The following NPHP4 variants were observed in gnomAD, a reference collection of about 807,000 sequenced individuals.
NPHP4 encodes nephrocystin 4.
In NPHP4, 151 loss-of-function variants were observed where a neutral mutation model predicts 155.8. The observed-to-expected ratio is 0.97, with a 90% CI of 0.85 to 1.11. The LOEUF (loss-of-function observed/expected upper bound fraction) is 1.11. NPHP4 is among the 50% of genes least tolerant of loss of function. The pLI, the probability that NPHP4 is intolerant of heterozygous loss-of-function variation, is 0.00. For missense variants in NPHP4, 1,956 were observed against 1,925.7 expected (o/e 1.02, Z -0.29); for synonymous variants, 845 against 816.8 (o/e 1.03, Z -0.59).
chr1:5,972,627 G>A (rs540607810), intron 3 of NPHP4, among the ~76,000 whole-genome samples: 63 of 152,192 alleles, frequency 4.1e-4, no homozygotes, highest in African/African-American at 1.1e-3. Context: ...TTATGGAAAA[G>A]CACATGACTA....
At chr1:5,873,201 G>T (rs1642190873) in intron 23 of NPHP4, 51 bp downstream of exon 23, 1 of 1,477,398 alleles carries the variant, frequency 6.8e-7, no homozygotes, top group Non-Finnish European at 9.5e-7. Flanking sequence ...GTCAGGCCCT[G>T]GGAATACCCA....
At chr1:5,909,478 G>A (rs906445461) in intron 11 of NPHP4, among the ~76,000 whole-genome samples, 1 of 152,212 alleles carries the variant, frequency 6.6e-6, no homozygotes, top group Admixed American at 6.5e-5. Flanking sequence ...TGGGCCAGCA[G>A]GTCTCACAGC....
chr1:5,880,550 C>T (rs568057702), intron 18 of NPHP4: 3 of 348,084 alleles, frequency 8.6e-6, no homozygotes, highest in Non-Finnish European at 1.6e-5. Context: ...ATCTCTGGGT[C>T]GCAAGGCGGG....
rs374201792 is a variant in NPHP4 at position 5,986,167 on chromosome 1, C to T, written c.123G>A (p.Pro41=). The stretch of plus-strand genomic sequence containing the variant: ...CACATTTTGTTACCTGCCTAATTAC[C>T]GGTCCGTCCAGCCACTTGAGGACAC... ...FQCVLKWLDG[P]VIRQGVLEVL... The change falls in exon 2 of 30, where the codon CCG becomes CCA. Residue 41 remains proline, a synonymous_variant. Coordinates refer to ENST00000378156, the MANE Select transcript of NPHP4 (RefSeq NM_015102.5). 9.3e-6 allele frequency: 15 copies of T among 1,613,790 alleles called. No homozygotes were observed. The highest frequency in any genetic ancestry group is 8.8e-5 in the South Asian group (8 of 91,040).
At chr1:5,967,488 T>G in intron 4 of NPHP4, 125 bp from the exon 5 acceptor site, 1 of 739,282 alleles carries the variant, frequency 1.4e-6, no homozygotes, top group Non-Finnish European at 2.3e-6. Context: ...TCCCATCCTC[T>G]GCGGAAGGCA....
intron 18 of NPHP4, 117 bp downstream of exon 18, chr1:5,887,169 C>T: frequency 1.0e-6 from 1 of 983,642 alleles, no homozygotes; most frequent in Non-Finnish European, 1.5e-6. Context: ...GAGAATTCTC[C>T]CGGTTTCCTC....
chr1:5,968,985 C>T (rs1652044992), intron 4 of NPHP4, 102 bp downstream of exon 4: 3 of 763,268 alleles, frequency 3.9e-6, no homozygotes. Context: ...CGACATTACA[C>T]CACTGCACTC....
chr1:5,887,147 G>A, intron 18 of NPHP4, 139 bp downstream of exon 18: 1 of 805,796 alleles, frequency 1.2e-6, no homozygotes, highest in Non-Finnish European at 2.0e-6. Context: ...CAGGCTCCAT[G>A]GCCAAGCTGG....
chr1:5,873,351 A>C lies in NPHP4; in HGVS notation c.3232-16T>G. ...CAGGAGAGGCCTGCAGGAACCGAAC[A>C]GCACAAGCAGGTCAGGAAGCAACAC... On this transcript the variant is annotated splice_polypyrimidine_tract_variant and intron_variant, in intron 22 of 29. Transcript: ENST00000378156. 1 of 1,609,330 alleles carries C rather than the reference A, an allele frequency of 6.2e-7. No individual in the cohort carries two copies. Among genetic ancestry groups the C allele is most frequent in the Non-Finnish European group, 8.5e-7 (1 of 1,175,688 alleles).
intron 5 of NPHP4, among the ~76,000 whole-genome samples, chr1:5,966,714 G>C (rs1045619083): frequency 6.6e-6 from 1 of 152,040 alleles, no homozygotes; most frequent in Non-Finnish European, 1.5e-5. Flanking sequence ...CACAGCCTCT[G>C]TGCTCTGAGC....
At chr1:5,984,534 C>CA (rs1479300378) in intron 2 of NPHP4, among the ~76,000 whole-genome samples, 8 of 147,512 alleles carry the variant, frequency 5.4e-5, no homozygotes, top group Non-Finnish European at 9.0e-5. Context: ...GACTTCATCT[C>CA]AAAAAAAAAG....
chr1:5,876,038 T>C (rs1570151047), intron 20 of NPHP4: 1 of 152,282 alleles, frequency 6.6e-6, no homozygotes, highest in Non-Finnish European at 1.5e-5. Context: ...CAGAATTTCA[T>C]CCTCAGAGCT....
Position 5,967,357 on chromosome 1 carries a change from C to A in NPHP4, c.459G>T (p.Arg153=). ...GGGCTCTGGGGGTGCCATGGTACAG[C>A]CGCAACCTGGAAGACAGGACCCAGA... The part of the protein sequence containing the change: ...PISASQDKRL[R]LYHGTPRALL... Residue 153 remains arginine, a synonymous_variant, in exon 5 of 30, where the codon CGG becomes CGT. Coordinates refer to ENST00000378156, the MANE Select transcript of NPHP4 (RefSeq NM_015102.5). The A allele has an allele frequency of 6.2e-7, 1 of 1,605,902 alleles. No individual in the cohort carries two copies. The highest frequency in any genetic ancestry group is 1.1e-5 in the South Asian group (1 of 88,950).
intron 10 of NPHP4, among the ~76,000 whole-genome samples, chr1:5,930,508 C>T (rs1203275620): frequency 6.6e-6 from 1 of 152,182 alleles, no homozygotes; most frequent in East Asian, 1.9e-4. Context: ...ACAATATCTT[C>T]TATTTTCCCT....
At chr1:5,884,354 C>A (rs374260730) in intron 18 of NPHP4, among the ~76,000 whole-genome samples, 1 of 152,206 alleles carries the variant, frequency 6.6e-6, no homozygotes, top group African/African-American at 2.4e-5. Flanking sequence ...GACGCTTAGC[C>A]TGTGGGGCCA....
At chr1:5,901,939 TGACCAGCC>T (rs1381263699) in intron 16 of NPHP4, among the ~76,000 whole-genome samples, 9 of 152,166 alleles carry the variant, frequency 5.9e-5, no homozygotes, top group Non-Finnish European at 1.2e-4. Context: ...GCCCTGGTGG[TGACCAGCC>T]CCCTCCCCCA....
intron 6 of NPHP4, among the ~76,000 whole-genome samples, chr1:5,957,612 C>A (rs376468007): frequency 1.9e-4 from 16 of 82,648 alleles, no homozygotes; most frequent in South Asian, 3.6e-4. Context: ...AAAAACAAGA[C>A]CGCTGCAACA....
At chr1:5,907,270 C>A in intron 12 of NPHP4, 48 bp from the exon 13 acceptor site, 9 of 1,281,578 alleles carry the variant, frequency 7.0e-6, no homozygotes, top group Non-Finnish European at 9.8e-6. Context: ...CTTGCCAGTC[C>A]GTCCACAAAG....
chr1:5,963,427 T>A (rs1432613663), intron 5 of NPHP4, among the ~76,000 whole-genome samples: 1 of 151,816 alleles, frequency 6.6e-6, no homozygotes, highest in Non-Finnish European at 1.5e-5. Flanking sequence ...AAACACTGTA[T>A]TTTTTTTAGT....
Sources: gnomAD v4.1 joint callset for allele counts (sites outside exome capture counted in the v4.1 genomes callset) on GRCh38, gnomAD v4.1.1 for gene constraint, MANE v1.5 for transcripts, NCBI Gene and HGNC (gene_info 2026-07-23, HGNC 2026-07-21) for gene names.